Variants in VAV2 observed in about 807,000 individuals in gnomAD.
The protein encoded by VAV2 is guanine nucleotide exchange factor VAV2.
Under a neutral mutation model 132.5 loss-of-function variants are expected in VAV2, and 67 were observed. That is an observed-to-expected ratio of 0.51 (90% CI 0.42 to 0.62). The LOEUF (loss-of-function observed/expected upper bound fraction) is 0.62. Among genes scored for constraint, VAV2 ranks in the 20% least tolerant of loss-of-function variants. The pLI, the probability that VAV2 is intolerant of heterozygous loss-of-function variation, is 0.00. For missense variants in VAV2, 938 were observed against 1,153.6 expected, an observed-to-expected ratio of 0.81 and a Z score of 2.71; for synonymous variants, 492 against 443.5, an observed-to-expected ratio of 1.11 and a Z score of -1.37.
At chr9:133,989,539 G>T (rs1331774250) in intron 1 of VAV2, among the ~76,000 whole-genome samples, 1 of 142,278 alleles carries the variant, frequency 7.0e-6, no homozygotes, top group South Asian at 2.2e-4. Context: ...AAAAAAAAAA[G>T]CTGGGCGTGG....
chr9:133,900,030 AAAT>A (rs1483788052), intron 2 of VAV2, among the ~76,000 whole-genome samples: 2 of 109,800 alleles, frequency 1.8e-5, no homozygotes, highest in Non-Finnish European at 3.7e-5. Flanking sequence ...CAAAAAAAAT[AAAT>A]AAATAAATAA....
intron 2 of VAV2, among the ~76,000 whole-genome samples, chr9:133,895,481 C>A (rs1442485732): frequency 6.6e-6 from 1 of 152,222 alleles, no homozygotes; most frequent in Non-Finnish European, 1.5e-5. Flanking sequence ...TGGACTATCA[C>A]GCCGACGTGA....
chr9:133,968,829 G>C (rs774091430), intron 1 of VAV2, among the ~76,000 whole-genome samples: 1 of 152,146 alleles, frequency 6.6e-6, no homozygotes. Context: ...CGAGACCCCC[G>C]GCTGGCTGGC....
intron 2 of VAV2, among the ~76,000 whole-genome samples, chr9:133,914,321 T>C (rs1184474526): frequency 1.3e-5 from 2 of 152,042 alleles, no homozygotes; most frequent in African/African-American, 4.8e-5. Flanking sequence ...GGGACACGAA[T>C]GTCCCCAGCA....
chr9:133,784,070 A>G (rs1186118977), intron 18 of VAV2, among the ~76,000 whole-genome samples: 1 of 152,142 alleles, frequency 6.6e-6, no homozygotes, highest in Non-Finnish European at 1.5e-5. Context: ...TTGTACAGAC[A>G]GAGTTTTGCC....
intron 4 of VAV2, among the ~76,000 whole-genome samples, chr9:133,832,526 C>T (rs1349489992): frequency 6.6e-6 from 1 of 152,132 alleles, no homozygotes; most frequent in Non-Finnish European, 1.5e-5. Flanking sequence ...TCTCAGAAGC[C>T]TGCATGCTGG....
Position 133,769,388 on chromosome 9 carries a change from T to TC in VAV2, c.2434+28dup. The stretch of plus-strand genomic sequence containing the variant: ...CCCAAGGCAGCTGCCACAGGCCCGG[T>TC]CCCCCCACGCCCTGGGGAGCAGCGG... On this transcript the variant is annotated intron_variant, in intron 28 of 29. Coordinates refer to ENST00000371850, the MANE Select transcript of VAV2 (RefSeq NM_001134398.2). The surrounding 1 kb of genome is among the most constrained non-coding windows in gnomAD (Gnocchi z 8.1). 6.3e-7 allele frequency: 1 copy of TC among 1,591,086 alleles called. No individual in the cohort carries two copies.
intron 26 of VAV2, among the ~76,000 whole-genome samples, chr9:133,771,072 T>TC (rs2131570233): frequency 6.7e-6 from 1 of 149,066 alleles, no homozygotes; most frequent in African/African-American, 2.5e-5. Context: ...CTTTTTTTTT[T>TC]TTTTTTTTTG....
At chr9:133,913,485 T>C (rs572068968) in intron 2 of VAV2, among the ~76,000 whole-genome samples, 80 of 152,288 alleles carry the variant, frequency 5.3e-4, no homozygotes, top group African/African-American at 1.9e-3. Flanking sequence ...CCAATCAGAA[T>C]CTTCAAGGGC....
chr9:133,800,643 G>A (rs536341342), intron 9 of VAV2, among the ~76,000 whole-genome samples: 2 of 152,318 alleles, frequency 1.3e-5, no homozygotes, highest in South Asian at 4.1e-4. Flanking sequence ...GAAGCCCAGC[G>A]GATAACATGC....
intron 2 of VAV2, among the ~76,000 whole-genome samples, chr9:133,868,452 T>C (rs1385123301): frequency 6.6e-6 from 1 of 152,164 alleles, no homozygotes; most frequent in Non-Finnish European, 1.5e-5. Flanking sequence ...ATCTGTGAGA[T>C]GGGGATAACA....
At chr9:133,984,162 G>A (rs1032938315) in intron 1 of VAV2, among the ~76,000 whole-genome samples, 17 of 152,020 alleles carry the variant, frequency 1.1e-4, no homozygotes, top group African/African-American at 3.4e-4. Flanking sequence ...TAGCAGATAC[G>A]GGGGTTTCAC....
intron 5 of VAV2, 135 bp downstream of exon 5, chr9:133,811,979 A>G: frequency 1.2e-6 from 1 of 837,462 alleles, no homozygotes; most frequent in South Asian, 1.6e-5. Context: ...GCACCTCTGG[A>G]CGTCCCCCTG....
rs1836328917 is a variant in VAV2 at position 133,833,189 on chromosome 9, G to A, written c.449+1083C>T. On this transcript the variant is annotated intron_variant, in intron 4 of 29. Coordinates refer to ENST00000371850, the MANE Select transcript of VAV2 (RefSeq NM_001134398.2). The surrounding 1 kb of genome is among the most constrained non-coding windows in gnomAD (Gnocchi z 5.6). ...AGCGTGGTGCCACATGCTGATATGG[G>A]GATGACTTGAATTGTGTATATACAC... 6.6e-6 allele frequency among the ~76,000 whole-genome samples: 1 copy of A among 152,170 alleles called. No homozygotes were observed. Among genetic ancestry groups the A allele is most frequent in the Non-Finnish European group, 1.5e-5 (1 of 68,036 alleles).
intron 12 of VAV2, 132 bp from the exon 13 acceptor site, chr9:133,792,001 G>T: frequency 5.0e-6 from 1 of 201,048 alleles, no homozygotes; most frequent in Non-Finnish European, 8.4e-6. Flanking sequence ...GTGTGTGACT[G>T]TGTGTGAATG....
intron 4 of VAV2, among the ~76,000 whole-genome samples, chr9:133,814,651 A>C (rs1452374832): frequency 6.6e-6 from 1 of 152,250 alleles, no homozygotes; most frequent in African/African-American, 2.4e-5. Flanking sequence ...AGGGGCCTGG[A>C]GATCGTCCCG....
At chr9:133,764,176 A>G (rs2797825) in intron 29 of VAV2, 67 bp from the exon 30 acceptor site, 722,493 of 1,602,774 alleles carry the variant, frequency 0.45, 168,673 homozygotes, top group Non-Finnish European at 0.49. Context: ...GTGCATGTCT[A>G]TGTTGGGGTG....
intron 1 of VAV2, among the ~76,000 whole-genome samples, chr9:133,986,856 C>A (rs1425931306): frequency 6.6e-6 from 1 of 152,110 alleles, no homozygotes; most frequent in Non-Finnish European, 1.5e-5. Flanking sequence ...TGTCGCTTTT[C>A]AGTCACCAAG....
chr9:133,960,024 G>A (rs914398870), intron 1 of VAV2, among the ~76,000 whole-genome samples: 5 of 152,202 alleles, frequency 3.3e-5, no homozygotes, highest in Admixed American at 6.5e-5. Context: ...AGTGAGAGCC[G>A]GGAACACGGG....
Sources: gnomAD v4.1 joint callset for allele counts (sites outside exome capture counted in the v4.1 genomes callset) on GRCh38, gnomAD v4.1.1 for gene constraint, Gnocchi (gnomAD v3.1) non-coding constraint, MANE v1.5 for transcripts, NCBI Gene and HGNC (gene_info 2026-07-23, HGNC 2026-07-21) for gene names.